Variants in ZNF335 observed in about 807,000 individuals in gnomAD.
ZNF335 encodes the protein NRC-interacting factor 1.
ZNF335 carries 84 observed loss-of-function variants against 145.6 expected under a neutral mutation model. That is an observed-to-expected ratio of 0.58 (90% confidence interval 0.48 to 0.69). The LOEUF (loss-of-function observed/expected upper bound fraction) is 0.69, where lower values mean the gene tolerates loss of function less well. Ranked by LOEUF, ZNF335 falls within the 30% of genes least tolerant of loss-of-function variation. The pLI, the probability that ZNF335 is intolerant of heterozygous loss-of-function variation, is 0.00. For synonymous variants in ZNF335, 761 were observed against 717.0 expected (o/e 1.06, Z -0.98); for missense variants, 1,865 against 1,809.7 (o/e 1.03, Z -0.55).
chr20:45,971,489 C>G, intron 1 of ZNF335, 29 bp from the exon 2 acceptor site: 5 of 1,557,406 alleles, frequency 3.2e-6, no homozygotes, highest in Non-Finnish European at 4.3e-6. Context: ...GTGGCTGGAA[C>G]AAGTGGGCCA....
Position 45,963,602 on chromosome 20 carries a change from G to A in ZNF335, c.1404C>T (p.Arg468=). ...GGGACAGAAAGCGAGAACCACAGAT[G>A]CGGCACAGGAAGGGCCTCAAAAGTG... The part of the protein sequence containing the change: ...PKPLLRPFLC[R]ICGSRFLSHE... Residue 468 remains arginine, a synonymous_variant, in exon 9 of 28, where the codon CGC becomes CGT. Transcript: ENST00000322927. 6.2e-7 allele frequency: 1 copy of A among 1,614,248 alleles called. No individual in the cohort carries two copies. The highest frequency in any genetic ancestry group is 8.5e-7 in the Non-Finnish European group (1 of 1,180,044).
chr20:45,950,676 T>C, intron 20 of ZNF335, 81 bp from the exon 21 acceptor site: 1 of 1,576,952 alleles, frequency 6.3e-7, no homozygotes, highest in Non-Finnish European at 8.6e-7. Context: ...TGACAGCTGG[T>C]CAGGGAACCA....
At chr20:45,959,819 T>A (rs1412740685) in intron 14 of ZNF335, among the ~76,000 whole-genome samples, 1 of 152,228 alleles carries the variant, frequency 6.6e-6, no homozygotes, top group Non-Finnish European at 1.5e-5. Flanking sequence ...TGGCGTTGCT[T>A]CTGCAGCTTC....
intron 17 of ZNF335, among the ~76,000 whole-genome samples, chr20:45,955,947 A>G (rs2083721265): frequency 6.6e-6 from 1 of 152,240 alleles, no homozygotes; most frequent in Admixed American, 6.5e-5. Context: ...CCATGTGATC[A>G]AATGATACAG....
Position 45,950,275 on chromosome 20 carries a change from G to T in ZNF335, c.3431C>A (p.Thr1144Asn), listed in dbSNP as rs539225112. ...GTPTARAPTQTPTQTIILNSD... is the reference protein window; with the variant it reads ...GTPTARAPTQNPTQTIILNSD... ...GTTCAGGATGATGGTCTGGGTTGGGGTCTGGGTAGGGGCCCGGGCTGTAGG... is the reference window on the plus strand; with the variant it reads ...GTTCAGGATGATGGTCTGGGTTGGGTTCTGGGTAGGGGCCCGGGCTGTAGG... Residue 1144 changes from threonine to asparagine, a missense_variant, in exon 22 of 28, where the codon ACC becomes AAC. By Grantham distance (65) the Thr-to-Asn change is moderately conservative. Transcript: ENST00000322927. The T allele has an allele frequency of 1.3e-6, 2 of 1,555,746 alleles. No individual in the cohort carries two copies. The highest frequency in any genetic ancestry group is 4.5e-5 in the East Asian group (2 of 44,412).
chr20:45,969,151 G>T (rs2084011720), intron 3 of ZNF335, among the ~76,000 whole-genome samples: 2 of 152,162 alleles, frequency 1.3e-5, no homozygotes, highest in Non-Finnish European at 2.9e-5. Context: ...TACCTTTTGG[G>T]GTTATTGGGA....
chr20:45,963,682 G>A lies in ZNF335; in HGVS notation c.1356-32C>T, dbSNP rs142226722. The A allele has an allele frequency of 8.3e-3, 13,372 of 1,613,936 alleles. 70 individuals carry two copies. The highest frequency in any genetic ancestry group is 0.01 in the Non-Finnish European group (11,954 of 1,179,840). ...GATGAGAGTGTGGCGGAAAGGTCTG[G>A]TGGGGTTGGTGGCTTAACCACATGC... On this transcript the variant is annotated intron_variant, in intron 8 of 27. Coordinates refer to ENST00000322927, the MANE Select transcript of ZNF335 (RefSeq NM_022095.4).
In ZNF335 at chr20:45,960,432, C is replaced by A. The variant is rs371512017; in HGVS notation, c.1859+17G>T. 1.2e-6 allele frequency: 2 copies of A among 1,613,990 alleles called. No homozygotes were observed. Among genetic ancestry groups the A allele is most frequent in the African/African-American group, 1.3e-5 (1 of 74,906 alleles). The stretch of plus-strand genomic sequence containing the variant: ...TGGGGACTGCTCCCGTCCCCAGGGG[C>A]CTCCAAGGGGATGTACCTGCGGTTG... On this transcript the variant is annotated intron_variant, in intron 13 of 27. Coordinates refer to ENST00000322927, the MANE Select transcript of ZNF335 (RefSeq NM_022095.4).
chr20:45,962,816 T>TTG lies in ZNF335; in HGVS notation c.1534-635_1534-634insCA, dbSNP rs752593280. Among the ~76,000 whole-genome samples the TTG allele has an allele frequency of 0.021, 202 of 9,582 alleles. 3 individuals carry two copies. The Middle Eastern group carries it at 0.3, about 14-fold the overall frequency. The allele number at this position is 9,582 out of a possible 152,430, so 6.3% of individuals were successfully genotyped here. A position where few individuals can be genotyped will look rare whatever the true frequency, so the allele number is the denominator to read the frequency against. The stretch of plus-strand genomic sequence containing the variant: ...AAAAGGAACCGTTTTTTTTTTTTTG[T>TTG]TTGTTTGTTTTTTTGAGACAGAGTT... On this transcript the variant is annotated intron_variant, in intron 9 of 27. Coordinates refer to ENST00000322927, the MANE Select transcript of ZNF335 (RefSeq NM_022095.4).
chr20:45,958,014 T>C, intron 15 of ZNF335, 86 bp from the exon 16 acceptor site: 1 of 1,074,204 alleles, frequency 9.3e-7, no homozygotes, highest in Non-Finnish European at 1.4e-6. Flanking sequence ...CTGCCAGATG[T>C]TTTACATCTG....
intron 20 of ZNF335, among the ~76,000 whole-genome samples, chr20:45,951,165 A>T (rs978781500): frequency 9.2e-5 from 14 of 152,222 alleles, no homozygotes; most frequent in Admixed American, 8.5e-4. Context: ...GTGCTGGGAT[A>T]AGAGGTGTGA....
At chr20:45,969,729 G>A in intron 2 of ZNF335, 38 bp from the exon 3 acceptor site, 1 of 1,602,648 alleles carries the variant, frequency 6.2e-7, no homozygotes, top group East Asian at 2.2e-5. Flanking sequence ...AAGTTTAGCA[G>A]CTGGGTATGG....
intron 10 of ZNF335, 177 bp downstream of exon 10, chr20:45,961,893 T>C: frequency 5.0e-6 from 3 of 596,852 alleles, no homozygotes. Flanking sequence ...GGTACTGTCC[T>C]GTTCTAAGCC....
rs759216909 is a variant in ZNF335 at position 45,950,262 on chromosome 20, G to T, written c.3444C>A (p.Thr1148=). The change falls in exon 22 of 28, where the codon ACC becomes ACA. Residue 1148 remains threonine (T), a synonymous_variant. Coordinates refer to ENST00000322927, the MANE Select transcript of ZNF335 (RefSeq NM_022095.4). ...TTTCGTCATCACTGTTCAGGATGAT[G>T]GTCTGGGTTGGGGTCTGGGTAGGGG... The part of the protein sequence containing the change: ...ARAPTQTPTQ[T]IILNSDDETL... The T allele has an allele frequency of 1.3e-6, 2 of 1,551,554 alleles. No homozygotes were observed. Among genetic ancestry groups the T allele is most frequent in the African/African-American group, 2.7e-5 (2 of 73,100 alleles).
At chr20:45,969,776 A>C in intron 2 of ZNF335, 85 bp from the exon 3 acceptor site, 1 of 1,545,812 alleles carries the variant, frequency 6.5e-7, no homozygotes, top group Non-Finnish European at 8.7e-7. Flanking sequence ...TGCTAGACAG[A>C]GCTCTCAGGC....
rs1479927306 is a variant in ZNF335 at position 45,971,429 on chromosome 20, G to C, written c.-19C>G. 3.1e-6 allele frequency: 5 copies of C among 1,598,100 alleles called. No homozygotes were observed. The highest frequency in any genetic ancestry group is 3.3e-5 in the Admixed American group (2 of 59,900). ...CCTCCATCTGATCGGCGGGCTGCCT[G>C]ACAGCGGGGCGTAGGGTCTGGGAAC... is the stretch of plus-strand genomic sequence containing the variant. On this transcript the variant is annotated 5_prime_UTR_variant, in exon 2 of 28. Transcript: ENST00000322927.
intron 10 of ZNF335, 139 bp downstream of exon 10, chr20:45,961,931 G>T: frequency 1.5e-6 from 1 of 680,656 alleles, no homozygotes; most frequent in Non-Finnish European, 2.5e-6. Context: ...CTGCCTTTCT[G>T]CTCATGCCTG....
chr20:45,950,961 C>T (rs1469276861), intron 20 of ZNF335, among the ~76,000 whole-genome samples: 1 of 151,904 alleles, frequency 6.6e-6, no homozygotes, highest in Non-Finnish European at 1.5e-5. Context: ...GGCGTGATCT[C>T]GGCTCACTGC....
chr20:45,967,668 A>G (rs1477754104), intron 5 of ZNF335, 34 bp from the exon 6 acceptor site: 1 of 1,611,934 alleles, frequency 6.2e-7, no homozygotes. Context: ...CAAGCTTGCC[A>G]TGTCTGGCTC....
Sources: allele counts gnomAD v4.1 joint callset (sites outside exome capture counted in the v4.1 genomes callset), GRCh38; gene constraint gnomAD v4.1.1; transcripts MANE v1.5; gene names NCBI Gene and HGNC (gene_info 2026-07-23, HGNC 2026-07-21).